HCFC2: variants seen among roughly 807,000 people sequenced by gnomAD.
HCFC2 encodes host cell factor 2.
In HCFC2, 18 loss-of-function variants were observed where a neutral mutation model predicts 89.2. The ratio of observed to expected loss-of-function variants is 0.20; its 90% CI spans 0.14 to 0.30. The LOEUF (loss-of-function observed/expected upper bound fraction) is 0.30. HCFC2 is among the 10% of genes least tolerant of loss of function. The probability of loss-of-function intolerance (pLI) is 1.00; values close to 1 mark genes in which losing one functional copy is unlikely to be tolerated. For missense variants in HCFC2, 578 were observed against 956.1 expected (o/e 0.60, Z 5.21); for synonymous variants, 308 against 335.7 (o/e 0.92, Z 0.90).
intron 1 of HCFC2, chr12:104,065,059 C>T (rs1445978314): frequency 4.3e-6 from 1 of 233,732 alleles, no homozygotes; most frequent in African/African-American, 2.3e-5. Flanking sequence ...CGAAATCTCG[C>T]CTCTGTCAAA....
intron 13 of HCFC2, among the ~76,000 whole-genome samples, chr12:104,101,421 G>C (rs1311253915): frequency 6.6e-6 from 1 of 151,598 alleles, no homozygotes. Flanking sequence ...GGAAGCGGAG[G>C]TTGCAGTGAG....
intron 7 of HCFC2, among the ~76,000 whole-genome samples, chr12:104,085,012 A>G (rs12310380): frequency 0.1 from 15,978 of 152,214 alleles, 1,082 homozygotes; most frequent in African/African-American, 0.18. Context: ...GAATGAATAG[A>G]TGAATCTAGA....
chr12:104,068,150 G>T lies in HCFC2; in HGVS notation c.473+43G>T. The T allele has an allele frequency of 6.8e-7, 1 of 1,466,426 alleles. No individual in the cohort carries two copies. The highest frequency in any genetic ancestry group is 1.4e-5 in the South Asian group (1 of 72,754). The allele number at this position is 1,466,426 out of a possible 1,614,324, so 90.8% of individuals were successfully genotyped here. A position where few individuals can be genotyped will look rare whatever the true frequency, so the allele number is the denominator to read the frequency against. On this transcript the variant is annotated intron_variant, in intron 3 of 14. Transcript: ENST00000229330. This position sits in a 1 kb window ranked among gnomAD's most constrained non-coding sequence, Gnocchi z 4.1. The stretch of plus-strand genomic sequence containing the variant: ...GACCAAATGCTTATTTTATGATTTA[G>T]AGTAGGAACATTTTATTTTTTCCAT...
rs2030030921 is a variant in HCFC2, at chr12:104,104,302, C to CT, written c.*1035dup. 1 of 151,900 alleles carries CT rather than the reference C, an allele frequency of 6.6e-6. No individual in the cohort carries two copies. Among genetic ancestry groups the CT allele is most frequent in the South Asian group, 2.1e-4 (1 of 4,826 alleles). 9.4% of individuals were successfully genotyped at this position (151,900 alleles called of 1,614,324 possible). ...TGTTTTTACCTTGAAATTGTATAAA[C>CT]TTTTTTACTATGAAAATATAAGCAT... On this transcript the variant is annotated 3_prime_UTR_variant, in exon 15 of 15. Coordinates refer to ENST00000229330, the MANE Select transcript of HCFC2 (RefSeq NM_013320.3).
intron 13 of HCFC2, among the ~76,000 whole-genome samples, chr12:104,099,600 A>C (rs1011040163): frequency 1.3e-5 from 2 of 151,922 alleles, no homozygotes; most frequent in Non-Finnish European, 2.9e-5. Context: ...CAACATGGCA[A>C]TACCTATCTC....
chr12:104,093,360 A>G, intron 9 of HCFC2, 26 bp from the exon 10 acceptor site: 2 of 1,540,138 alleles, frequency 1.3e-6, no homozygotes, highest in Non-Finnish European at 1.8e-6. Flanking sequence ...ATTGCTTACT[A>G]CAGTAATCTG....
At chr12:104,078,067 T>C (rs145400819) in intron 3 of HCFC2, among the ~76,000 whole-genome samples, 7,141 of 152,228 alleles carry the variant, frequency 0.047, 188 homozygotes, top group South Asian at 0.11. Flanking sequence ...GGCACGATCT[T>C]GGCTCACTGC....
rs1446131798 is a variant in HCFC2 at position 104,079,585 on chromosome 12, G to A, written c.614G>A (p.Ser205Asn). 1 of 1,614,144 alleles carries A rather than the reference G, an allele frequency of 6.2e-7. No homozygotes were observed. The highest frequency in any genetic ancestry group is 1.7e-5 in the Admixed American group (1 of 60,016). ...ATATATTGCAAAAAAGATTCTGGAA[G>A]TCCTAAAATGTATGTTTTTGGTGGA... ...AVIYCKKDSG[S>N]PKMYVFGGMC... Residue 205 changes from serine to asparagine, a missense_variant, in exon 4 of 15, where the codon AGT (serine) becomes AAT (asparagine). Coordinates refer to ENST00000229330, the MANE Select transcript of HCFC2 (RefSeq NM_013320.3).
chr12:104,087,703 T>C (rs959782365), intron 8 of HCFC2, among the ~76,000 whole-genome samples: 7 of 152,108 alleles, frequency 4.6e-5, no homozygotes, highest in African/African-American at 9.6e-5. Context: ...AATTGACATA[T>C]TAGTTGACTT....
intron 9 of HCFC2, among the ~76,000 whole-genome samples, chr12:104,088,735 G>A (rs1160335445): frequency 1.3e-5 from 2 of 152,160 alleles, no homozygotes; most frequent in African/African-American, 4.8e-5. Context: ...AGTATGTCAG[G>A]AAGGGGTTAT....
At chr12:104,101,496 A>AT (rs2029936966) in intron 13 of HCFC2, among the ~76,000 whole-genome samples, 1 of 152,128 alleles carries the variant, frequency 6.6e-6, no homozygotes, top group Non-Finnish European at 1.5e-5. Flanking sequence ...AAAAAAAAAA[A>AT]AAATTCTCTG....
intron 3 of HCFC2, among the ~76,000 whole-genome samples, chr12:104,073,409 C>A (rs576943264): frequency 6.6e-6 from 1 of 151,724 alleles, no homozygotes; most frequent in African/African-American, 2.4e-5. Context: ...ATGATCCGCC[C>A]GCCTCAGCCT....
At chr12:104,090,679 C>T (rs937327349) in intron 9 of HCFC2, among the ~76,000 whole-genome samples, 27 of 150,368 alleles carry the variant, frequency 1.8e-4, no homozygotes, top group Admixed American at 5.4e-4. Flanking sequence ...CTTTCCTTCT[C>T]TCTTGAAGAA....
At chr12:104,079,401 G>T in intron 3 of HCFC2, 44 bp from the exon 4 acceptor site, 3 of 1,358,754 alleles carry the variant, frequency 2.2e-6, no homozygotes, top group South Asian at 1.2e-5. Context: ...CAAATAAAGG[G>T]TATATATTAT....
intron 9 of HCFC2, among the ~76,000 whole-genome samples, chr12:104,088,953 G>C (rs779295494): frequency 2.0e-5 from 3 of 152,062 alleles, no homozygotes; most frequent in Non-Finnish European, 4.4e-5. Flanking sequence ...TTCCCTAGAA[G>C]CAACTACTTT....
rs909754177 is a variant in HCFC2 at position 104,069,542 on chromosome 12, A to G, written c.473+1435A>G. ...TTTTTTGTTAAAAAAAAAAAAAAAG[A>G]TTTCACATATGAGATCATGCAATAT... is the stretch of plus-strand genomic sequence containing the variant. On this transcript the variant is annotated intron_variant, in intron 3 of 14. Transcript: ENST00000229330. 6.6e-4 allele frequency among the ~76,000 whole-genome samples: 98 copies of G among 148,330 alleles called. 1 individual carries two copies. Among genetic ancestry groups the G allele is most frequent in the African/African-American group, 2.3e-3 (94 of 40,320 alleles).
rs1336607903 is a variant in HCFC2, at chr12:104,106,239, C to T, written c.*2966C>T. On this transcript the variant is annotated 3_prime_UTR_variant, in exon 15 of 15. Coordinates refer to ENST00000229330, the MANE Select transcript of HCFC2 (RefSeq NM_013320.3). ...AAAGACTTGTAGACTAGCAAAGATT[C>T]ATTCTGATTAGAAATAAGGTCTATA... is the stretch of plus-strand genomic sequence containing the variant. The T allele has an allele frequency of 6.6e-6, 1 of 152,104 alleles. No homozygotes were observed. The highest frequency in any genetic ancestry group is 2.4e-5 in the African/African-American group (1 of 41,428). 9.4% of individuals were successfully genotyped at this position (152,104 alleles called of 1,614,324 possible).
At chr12:104,082,041 C>G (rs1883702745) in intron 5 of HCFC2, among the ~76,000 whole-genome samples, 1 of 151,978 alleles carries the variant, frequency 6.6e-6, no homozygotes, top group East Asian at 1.9e-4. Context: ...CTTAAGAACT[C>G]CTAGGGCCCT....
intron 10 of HCFC2, among the ~76,000 whole-genome samples, chr12:104,093,775 A>AG (rs1354373585): frequency 3.3e-5 from 1 of 30,200 alleles, no homozygotes; most frequent in Non-Finnish European, 5.5e-5. Context: ...TAAATGAGGC[A>AG]ATTTTTTTTT....
Sources: allele counts gnomAD v4.1 joint callset (sites outside exome capture counted in the v4.1 genomes callset), GRCh38; gene constraint gnomAD v4.1.1; non-coding constraint Gnocchi (gnomAD v3.1); transcripts MANE v1.5; gene names NCBI Gene and HGNC (gene_info 2026-07-23, HGNC 2026-07-21).